NUP88: variants seen among roughly 807,000 people sequenced by gnomAD.
NUP88 encodes the protein nucleoporin 88.
In NUP88, 57 loss-of-function variants were observed where a neutral mutation model predicts 93.9. That is an observed-to-expected ratio of 0.61 (90% CI 0.49 to 0.76). The LOEUF is 0.76. Among genes scored for constraint, NUP88 ranks in the 30% least tolerant of loss-of-function variants. NUP88 has a pLI of 0.00. For missense variants in NUP88, 911 were observed against 901.0 expected (o/e 1.01, Z -0.14); for synonymous variants, 346 against 336.8 (o/e 1.03, Z -0.30).
At position 5,394,964 on chromosome 17, in the gene NUP88, T is replaced by C. The variant is rs746678761; in HGVS notation, c.1309A>G (p.Ser437Gly). 1.2e-6 allele frequency: 2 copies of C among 1,606,442 alleles called. No individual in the cohort carries two copies. Among genetic ancestry groups the C allele is most frequent in the Admixed American group, 3.3e-5 (2 of 60,018 alleles). The change falls in exon 9 of 17, where the codon AGT (serine) becomes GGT (glycine). Residue 437 changes from serine (S) to glycine (G), a missense_variant. Coordinates refer to ENST00000573584, the MANE Select transcript of NUP88 (RefSeq NM_002532.6). ...TGTTCTGTAGAGAGTTCCTGTAAAC[T>C]ATCCTTATCTTCTTCATCTACCATG... ...FLGSDEEDKD[S>G]LQELSTEQKC...
At chr17:5,395,925 C>T (rs1176255966) in intron 8 of NUP88, among the ~76,000 whole-genome samples, 3 of 152,114 alleles carry the variant, frequency 2.0e-5, no homozygotes, top group Admixed American at 1.3e-4. Flanking sequence ...GAATTGTATA[C>T]CTGGCAGGGT....
At chr17:5,405,331 A>G in intron 5 of NUP88, 88 bp from the exon 6 acceptor site, 1 of 1,085,550 alleles carries the variant, frequency 9.2e-7, no homozygotes, top group Non-Finnish European at 1.3e-6. Flanking sequence ...GTTTTCCTCC[A>G]GCTATCATAC....
At chr17:5,411,639 G>A (rs892191464) in intron 3 of NUP88, among the ~76,000 whole-genome samples, 1 of 141,228 alleles carries the variant, frequency 7.1e-6, no homozygotes, top group Non-Finnish European at 1.5e-5. Flanking sequence ...CTATTTTCAA[G>A]GGAAAGTATA....
At chr17:5,418,927 C>T (rs1164293124) in intron 1 of NUP88, among the ~76,000 whole-genome samples, 2 of 152,156 alleles carry the variant, frequency 1.3e-5, no homozygotes, top group Admixed American at 6.5e-5. Context: ...GAGACTTCCT[C>T]CTCCATGTCA....
rs537797088 is a variant in NUP88, at chr17:5,395,991, A to G, written c.1292-1010T>C. Among the ~76,000 whole-genome samples the G allele has an allele frequency of 3.9e-5, 6 of 152,042 alleles. No individual in the cohort carries two copies. The South Asian group carries it at 1.2e-3, about 32-fold the overall frequency. On this transcript the variant is annotated intron_variant, in intron 8 of 16. Coordinates refer to ENST00000573584, the MANE Select transcript of NUP88 (RefSeq NM_002532.6). ...TTTCGGAGGCCAAGGTGGGTGGATC[A>G]CCCGAGGTCAGGAGTTCAAGACCAG... is the stretch of plus-strand genomic sequence containing the variant.
rs199927587 is a variant in NUP88, at chr17:5,387,876, G to C, written c.1672C>G (p.Pro558Ala). 1.7e-4 allele frequency: 273 copies of C among 1,613,694 alleles called. No homozygotes were observed. Among genetic ancestry groups the C allele is most frequent in the Non-Finnish European group, 2.2e-4 (260 of 1,179,712 alleles). Residue 558 changes from proline to alanine, a missense_variant, in exon 12 of 17, where the codon CCT (proline) becomes GCT (alanine). Physicochemically the swap from Pro to Ala is conservative, Grantham distance 27. Coordinates refer to ENST00000573584, the MANE Select transcript of NUP88 (RefSeq NM_002532.6). ...CTGAGGAGCTGAAGGCATTCTTCAG[G>C]AGGAGGGGCTATGTCCTTTTCAGAA... is the stretch of plus-strand genomic sequence containing the variant. Reference protein sequence around the residue: ...KASEKDIAPPPEECLQLLSRA... With the variant: ...KASEKDIAPPAEECLQLLSRA...
rs543289799 is a variant in NUP88, at chr17:5,385,314, A to C, written c.*892T>G. ...AGGATTTAGCCCTTCTAGGCAAAAG[A>C]AAAGCTCAGTTGGGTTTCACGAGTG... On this transcript the variant is annotated 3_prime_UTR_variant, in exon 17 of 17. Transcript: ENST00000573584. 4.3e-6 allele frequency: 1 copy of C among 231,266 alleles called. No homozygotes were observed. The highest frequency in any genetic ancestry group is 1.8e-4 in the South Asian group (1 of 5,508). The allele number at this position is 231,266 out of a possible 1,614,324, so 14.3% of individuals were successfully genotyped here. A position where few individuals can be genotyped will look rare whatever the true frequency, so the allele number is the denominator to read the frequency against.
chr17:5,392,474 A>G (rs1912499682), intron 9 of NUP88, among the ~76,000 whole-genome samples: 1 of 152,110 alleles, frequency 6.6e-6, no homozygotes, highest in Non-Finnish European at 1.5e-5. Flanking sequence ...GCTCCCATTT[A>G]CCTTTTTGGA....
chr17:5,398,561 G>A (rs1321712820), intron 8 of NUP88, among the ~76,000 whole-genome samples: 1 of 151,322 alleles, frequency 6.6e-6, no homozygotes, highest in Non-Finnish European at 1.5e-5. Context: ...AAAGTGCTGG[G>A]ATTACAGGCG....
In NUP88 at chr17:5,404,244, T is replaced by C. The variant is rs777897763; in HGVS notation, c.1047A>G (p.Ser349=). Residue 349 remains serine (S), a splice_region_variant and synonymous_variant, in exon 7 of 17, where the codon TCA becomes TCG. Coordinates refer to ENST00000573584, the MANE Select transcript of NUP88 (RefSeq NM_002532.6). The stretch of plus-strand genomic sequence containing the variant: ...CAATCCTGGAATCCCAGGACTTTTC[T>C]GACTGTAAAAAAAAGTGTTGTAATT... ...LEGEEEDDHT[S]EKSWDSRIDL... 2.5e-6 allele frequency: 4 copies of C among 1,610,716 alleles called. No homozygotes were observed. The highest frequency in any genetic ancestry group is 3.4e-6 in the Non-Finnish European group (4 of 1,178,876).
chr17:5,406,751 C>T (rs1597326469), intron 5 of NUP88, among the ~76,000 whole-genome samples: 1 of 146,454 alleles, frequency 6.8e-6, no homozygotes, highest in East Asian at 2.1e-4. Context: ...ACTAACAATA[C>T]GTGATGAGCT....
At chr17:5,386,951 T>G in intron 15 of NUP88, 33 bp downstream of exon 15, 1 of 1,604,458 alleles carries the variant, frequency 6.2e-7, no homozygotes, top group Non-Finnish European at 8.5e-7. Flanking sequence ...TAAGAAAAAT[T>G]ACCAAATTTA....
intron 5 of NUP88, among the ~76,000 whole-genome samples, chr17:5,405,601 ATG>A (rs1913448021): frequency 6.6e-6 from 1 of 152,270 alleles, no homozygotes; most frequent in African/African-American, 2.4e-5. Context: ...TCAGACCAAA[ATG>A]TCAATAGTAC....
chr17:5,403,513 T>C (rs1913292728), intron 7 of NUP88, among the ~76,000 whole-genome samples: 8 of 151,716 alleles, frequency 5.3e-5, no homozygotes. Flanking sequence ...ATATAAAAAT[T>C]AGCCAGGCAT....
intron 4 of NUP88, among the ~76,000 whole-genome samples, chr17:5,409,337 G>A (rs2151645128): frequency 7.0e-6 from 1 of 142,686 alleles, no homozygotes; most frequent in Non-Finnish European, 1.5e-5. Context: ...TTGTGCCATT[G>A]CACTCCAGCC....
At chr17:5,395,659 G>A (rs1912729774) in intron 8 of NUP88, among the ~76,000 whole-genome samples, 1 of 151,920 alleles carries the variant, frequency 6.6e-6, no homozygotes, top group Admixed American at 6.6e-5. Flanking sequence ...CTCCTGAGTA[G>A]CTGGGACTAC....
chr17:5,392,831 C>T (rs548899089), intron 9 of NUP88, among the ~76,000 whole-genome samples: 12 of 152,280 alleles, frequency 7.9e-5, no homozygotes, highest in Middle Eastern at 6.8e-3. Context: ...ACTCTGTTGC[C>T]GAGGCTGGAG....
chr17:5,415,182 A>G (rs56061343), intron 2 of NUP88, among the ~76,000 whole-genome samples: 65,452 of 150,562 alleles, frequency 0.43, 14,892 homozygotes, highest in East Asian at 0.83. Flanking sequence ...ACCACACCCC[A>G]CTTATTTTTT....
At position 5,412,738 on chromosome 17, in the gene NUP88, G is replaced by A. The variant is rs751421971; in HGVS notation, c.593+1271C>T. ...AGAGTTCACTAGTGACAGATGGAAC[G>A]AGATTCAAACAAGATCAGGCATACT... On this transcript the variant is annotated intron_variant, in intron 3 of 16. Coordinates refer to ENST00000573584, the MANE Select transcript of NUP88 (RefSeq NM_002532.6). Among the ~76,000 whole-genome samples, 27 of 152,078 alleles carry A rather than the reference G, an allele frequency of 1.8e-4. 1 individual carries two copies. Among genetic ancestry groups the A allele is most frequent in the Non-Finnish European group, 1.6e-4 (11 of 67,984 alleles).
Sources: gnomAD v4.1 joint callset for allele counts (sites outside exome capture counted in the v4.1 genomes callset) on GRCh38, gnomAD v4.1.1 for gene constraint, MANE v1.5 for transcripts, NCBI Gene and HGNC (gene_info 2026-07-23, HGNC 2026-07-21) for gene names.